The following BAZ2B variants were observed in gnomAD, a reference collection of about 807,000 sequenced individuals.
BAZ2B encodes the protein bromodomain adjacent to zinc finger domain 2B.
In BAZ2B, 91 loss-of-function variants were observed where a neutral mutation model predicts 246.0. The ratio of observed to expected loss-of-function variants is 0.37; its 90% confidence interval spans 0.31 to 0.44. The LOEUF (loss-of-function observed/expected upper bound fraction) is 0.44, where lower values mean the gene tolerates loss of function less well. Among genes scored for constraint, BAZ2B ranks in the 20% least tolerant of loss-of-function variants. BAZ2B has a pLI of 1.00. For synonymous variants in BAZ2B, 855 were observed against 860.0 expected (o/e 0.99, Z 0.10); for missense variants, 2,332 against 2,533.7 (o/e 0.92, Z 1.71).
At chr2:159,455,704 A>C (rs1461591214) in intron 3 of BAZ2B, among the ~76,000 whole-genome samples, 1 of 151,858 alleles carries the variant, frequency 6.6e-6, no homozygotes, top group Non-Finnish European at 1.5e-5. Flanking sequence ...CTACTGCCAA[A>C]AAAGCTACCC....
chr2:159,364,728 T>C (rs2060043871), intron 27 of BAZ2B, among the ~76,000 whole-genome samples: 1 of 152,188 alleles, frequency 6.6e-6, no homozygotes, highest in Non-Finnish European at 1.5e-5. Context: ...TGGCCAGGTA[T>C]GTTGCCAAAA....
chr2:159,391,052 T>G (rs774912718), intron 20 of BAZ2B, among the ~76,000 whole-genome samples: 3 of 152,138 alleles, frequency 2.0e-5, no homozygotes, highest in Non-Finnish European at 2.9e-5. Flanking sequence ...ATAACTTTTT[T>G]CCCCTAGAAC....
intron 5 of BAZ2B, among the ~76,000 whole-genome samples, chr2:159,447,753 TA>T (rs1305508707): frequency 1.3e-5 from 2 of 152,190 alleles, no homozygotes; most frequent in South Asian, 4.1e-4. Context: ...AAAATACTTC[TA>T]ATCTCAAAGA....
chr2:159,384,912 C>T (rs2062447383), intron 23 of BAZ2B, among the ~76,000 whole-genome samples: 1 of 151,998 alleles, frequency 6.6e-6, no homozygotes, highest in Non-Finnish European at 1.5e-5. Context: ...TTAAACAAAA[C>T]AGGTGACAAA....
the BAZ2B span, among the ~76,000 whole-genome samples, chr2:159,626,659 T>C: frequency 6.6e-6 from 1 of 152,152 alleles, no homozygotes; most frequent in Non-Finnish European, 1.5e-5. Context: ...CTGGGACACA[T>C]TTAAAGCAGT....
At chr2:159,551,539 A>C (rs887060071) in intron 2 of BAZ2B, among the ~76,000 whole-genome samples, 2 of 152,028 alleles carry the variant, frequency 1.3e-5, no homozygotes, top group African/African-American at 4.8e-5. Flanking sequence ...TTAAATAAGA[A>C]TATCTGAAGA....
chr2:159,404,341 C>T (rs917465631), intron 16 of BAZ2B: 1 of 150,518 alleles, frequency 6.6e-6, no homozygotes. Flanking sequence ...AGACAGAGAA[C>T]TCTGGATTTG....
the BAZ2B span, among the ~76,000 whole-genome samples, chr2:159,635,883 C>T: frequency 1.3e-5 from 2 of 151,500 alleles, no homozygotes; most frequent in South Asian, 4.2e-4. Context: ...ATAGGGAGAC[C>T]CTGTCTCTAT....
chr2:159,347,450 A>T, intron 31 of BAZ2B, 36 bp downstream of exon 31: 1 of 1,589,518 alleles, frequency 6.3e-7, no homozygotes, highest in Non-Finnish European at 8.6e-7. Context: ...ATCTTCCATT[A>T]TCCTAAAAAC....
intron 16 of BAZ2B, among the ~76,000 whole-genome samples, chr2:159,402,755 G>C (rs1038610015): frequency 1.3e-5 from 2 of 152,142 alleles, no homozygotes; most frequent in Non-Finnish European, 2.9e-5. Context: ...AAGTATTCAA[G>C]TGACTTTTAT....
chr2:159,529,088 T>C (rs1051923401), intron 2 of BAZ2B, among the ~76,000 whole-genome samples: 1 of 152,022 alleles, frequency 6.6e-6, no homozygotes, highest in Admixed American at 6.6e-5. Context: ...GTTGTGCACA[T>C]GTACCCTAGA....
the BAZ2B span, among the ~76,000 whole-genome samples, chr2:159,661,736 T>C: frequency 6.6e-6 from 1 of 152,148 alleles, no homozygotes; most frequent in Non-Finnish European, 1.5e-5. Context: ...AAGGAACAAT[T>C]CAGTGGCATT....
the BAZ2B span, chr2:159,693,907 T>C: frequency 2.0e-5 from 3 of 152,182 alleles, no homozygotes; most frequent in Non-Finnish European, 4.4e-5. Flanking sequence ...CAAACTTATT[T>C]GGAAAGAAAA....
At chr2:159,353,215 T>G (rs376982551) in intron 27 of BAZ2B, among the ~76,000 whole-genome samples, 1 of 152,226 alleles carries the variant, frequency 6.6e-6, no homozygotes, top group Admixed American at 6.5e-5. Flanking sequence ...CAAATTAGTT[T>G]CTAGTTGAAA....
chr2:159,333,613 TTTTAAAAATGAAAACATG>T (rs2065142632), intron 33 of BAZ2B, among the ~76,000 whole-genome samples: 1 of 152,144 alleles, frequency 6.6e-6, no homozygotes, highest in East Asian at 1.9e-4. Context: ...CAGTCCATAT[TTTTAAAAATGAAAACATG>T]TAACCAGAAA....
At chr2:159,647,984 A>G in the BAZ2B span, among the ~76,000 whole-genome samples, 1 of 152,236 alleles carries the variant, frequency 6.6e-6, no homozygotes, top group Admixed American at 6.5e-5. Context: ...TAATTTGCAT[A>G]CAACAAATTG....
intron 6 of BAZ2B, among the ~76,000 whole-genome samples, chr2:159,441,227 T>C (rs2073335960): frequency 6.6e-6 from 1 of 152,138 alleles, no homozygotes. Flanking sequence ...AAAAATTAAC[T>C]CCTATTTAAA....
chr2:159,385,337 A>G lies in BAZ2B; in HGVS notation c.3504T>C (p.Asn1168=), dbSNP rs2062504931. 1 of 1,613,038 alleles carries G rather than the reference A, an allele frequency of 6.2e-7. No homozygotes were observed. The highest frequency in any genetic ancestry group is 8.5e-7 in the Non-Finnish European group (1 of 1,179,576). The change falls in exon 23 of 37, where the codon AAT becomes AAC. Residue 1168 remains asparagine, a synonymous_variant. Transcript: ENST00000392783. ...AAACATTGTCTCGATTCACACCAAC[A>G]TTCAGCAAATGTTCTCCAAGAGCTG... The part of the protein sequence containing the change: ...AKTALGEHLL[N]VGVNRDNVSE...
intron 1 of BAZ2B, among the ~76,000 whole-genome samples, chr2:159,560,447 G>GATAACA (rs1232758515): frequency 3.3e-5 from 5 of 152,270 alleles, no homozygotes; most frequent in Admixed American, 3.3e-4. Flanking sequence ...GCTATTTGTA[G>GATAACA]ACTGTATCAG....
Sources: gnomAD v4.1 joint callset for allele counts (sites outside exome capture counted in the v4.1 genomes callset) on GRCh38, gnomAD v4.1.1 for gene constraint, MANE v1.5 for transcripts, NCBI Gene and HGNC (gene_info 2026-07-23, HGNC 2026-07-21) for gene names.